The following RBMS1 variants were observed in gnomAD, a reference collection of about 807,000 sequenced individuals.
RBMS1 encodes RNA binding motif single stranded interacting protein 1.
In RBMS1, 17 loss-of-function variants were observed where a neutral mutation model predicts 62.3. The ratio of observed to expected loss-of-function variants is 0.27; its 90% CI spans 0.19 to 0.41. RBMS1 has a LOEUF of 0.41. RBMS1 is among the 10% of genes least tolerant of loss of function. The pLI is 1.00. For synonymous variants in RBMS1, 172 were observed against 170.0 expected (o/e 1.01, Z -0.09); for missense variants, 334 against 504.5 (o/e 0.66, Z 3.24).
At chr2:160,320,560 G>C (rs1255664928) in intron 2 of RBMS1, among the ~76,000 whole-genome samples, 1 of 152,144 alleles carries the variant, frequency 6.6e-6, no homozygotes, top group Non-Finnish European at 1.5e-5. Flanking sequence ...GAATAGCTTG[G>C]TGCCATCCTT....
At chr2:160,438,854 C>T (rs1294393916) in intron 1 of RBMS1, among the ~76,000 whole-genome samples, 1 of 151,968 alleles carries the variant, frequency 6.6e-6, no homozygotes, top group African/African-American at 2.4e-5. Flanking sequence ...AGGCGCCCCT[C>T]ACCTCCCGGA....
chr2:160,441,875 G>A lies in RBMS1; in HGVS notation c.75+51414C>T, dbSNP rs1683425015. Among the ~76,000 whole-genome samples the A allele has an allele frequency of 4.6e-5, 7 of 152,110 alleles. No individual in the cohort carries two copies. The South Asian group carries it at 1.2e-3, about 27-fold the overall frequency. ...ATTCTAGTGAATGTGAAATGGCCTC[G>A]AATTATGGCTATAATTTGCATTTTC... is the stretch of plus-strand genomic sequence containing the variant. On this transcript the variant is annotated intron_variant, in intron 1 of 13. Coordinates refer to ENST00000348849, the MANE Select transcript of RBMS1 (RefSeq NM_016836.4).
chr2:160,360,303 AC>A (rs1693054304), intron 2 of RBMS1, among the ~76,000 whole-genome samples: 1 of 152,116 alleles, frequency 6.6e-6, no homozygotes, highest in Non-Finnish European at 1.5e-5. Flanking sequence ...CTTCCCTCTC[AC>A]CTATGAGAGT....
chr2:160,318,145 A>C (rs1470849079), intron 3 of RBMS1, 24 bp downstream of exon 3: 25 of 1,587,916 alleles, frequency 1.6e-5, no homozygotes, highest in Non-Finnish European at 2.1e-5. Flanking sequence ...ATCATTTACC[A>C]AATAACCAGC....
intron 2 of RBMS1, among the ~76,000 whole-genome samples, chr2:160,348,148 T>C (rs967205362): frequency 2.6e-5 from 4 of 152,208 alleles, no homozygotes; most frequent in South Asian, 2.1e-4. Context: ...TAAACCATTA[T>C]ATAAATCCAC....
At chr2:160,363,766 A>C (rs1022878738) in intron 2 of RBMS1, among the ~76,000 whole-genome samples, 4 of 152,202 alleles carry the variant, frequency 2.6e-5, no homozygotes, top group Non-Finnish European at 5.9e-5. Context: ...AAATAAAACA[A>C]ATAAAATATT....
At chr2:160,384,872 T>C (rs1437050107) in intron 1 of RBMS1, among the ~76,000 whole-genome samples, 1 of 152,216 alleles carries the variant, frequency 6.6e-6, no homozygotes, top group African/African-American at 2.4e-5. Context: ...AGGTGGGACC[T>C]GGTGGGGGGT....
At chr2:160,314,052 G>C (rs887929507) in intron 3 of RBMS1, among the ~76,000 whole-genome samples, 4 of 152,160 alleles carry the variant, frequency 2.6e-5, no homozygotes, top group Admixed American at 1.3e-4. Flanking sequence ...AGGGGAAAAG[G>C]GGGGCTGGGG....
intron 2 of RBMS1, among the ~76,000 whole-genome samples, chr2:160,324,863 G>A (rs943018205): frequency 8.2e-6 from 1 of 122,294 alleles, no homozygotes; most frequent in African/African-American, 2.9e-5. Flanking sequence ...TATTCTAAGC[G>A]AGATGTGTGT....
At chr2:160,282,171 G>T in intron 9 of RBMS1, 1 of 1,191,934 alleles carries the variant, frequency 8.4e-7, no homozygotes, top group Non-Finnish European at 1.2e-6. Flanking sequence ...AAACCCTCCT[G>T]CATTTTATCC....
At chr2:160,479,362 T>C (rs1003504349) in intron 1 of RBMS1, among the ~76,000 whole-genome samples, 6 of 152,232 alleles carry the variant, frequency 3.9e-5, no homozygotes, top group Non-Finnish European at 7.3e-5. Context: ...CAGCTCTGGA[T>C]GCTGCTGTTC....
chr2:160,484,817 G>A (rs1291131395), intron 1 of RBMS1, among the ~76,000 whole-genome samples: 2 of 150,528 alleles, frequency 1.3e-5, no homozygotes, highest in Non-Finnish European at 2.9e-5. Flanking sequence ...CTTGCAGTAA[G>A]CTGAGATTGT....
intron 1 of RBMS1, among the ~76,000 whole-genome samples, chr2:160,399,497 C>G (rs1175207577): frequency 2.0e-5 from 3 of 149,648 alleles, no homozygotes; most frequent in Non-Finnish European, 3.0e-5. Context: ...TGCATGCCAC[C>G]AGTTTACTTC....
In RBMS1 at chr2:160,370,050, C is replaced by T. The variant is rs570858003; in HGVS notation, c.76-2659G>A. 8.5e-5 allele frequency among the ~76,000 whole-genome samples: 13 copies of T among 152,270 alleles called. No individual in the cohort carries two copies. The South Asian group carries it at 2.7e-3, about 32-fold the overall frequency. On this transcript the variant is annotated intron_variant, in intron 1 of 13. Transcript: ENST00000348849. ...ATGTGGGAAGCAGGTACAGCCTGTGCTTCCCTGCTTCCCCTGTTAAGTTTC... is the reference window on the plus strand; with the variant it reads ...ATGTGGGAAGCAGGTACAGCCTGTGTTTCCCTGCTTCCCCTGTTAAGTTTC...
chr2:160,318,730 C>T (rs191599932), intron 2 of RBMS1, among the ~76,000 whole-genome samples: 9 of 152,298 alleles, frequency 5.9e-5, no homozygotes, highest in African/African-American at 2.2e-4. Flanking sequence ...CACAGAAGGG[C>T]AGGTGTGTGC....
chr2:160,279,370 AC>A (rs929677657), intron 10 of RBMS1: 9 of 152,084 alleles, frequency 5.9e-5, no homozygotes, highest in South Asian at 2.1e-4. Context: ...GAAAAAAAAA[AC>A]AATTGCTTCT....
At chr2:160,372,546 G>C (rs1693781902) in intron 1 of RBMS1, among the ~76,000 whole-genome samples, 1 of 152,202 alleles carries the variant, frequency 6.6e-6, no homozygotes, top group Admixed American at 6.5e-5. Context: ...TGAAGACAAT[G>C]TCTGCTACAC....
intron 1 of RBMS1, among the ~76,000 whole-genome samples, chr2:160,394,206 A>G (rs1289081007): frequency 6.6e-6 from 1 of 152,174 alleles, no homozygotes. Context: ...CTATTATAAC[A>G]AAGGATGATC....
At chr2:160,478,988 G>A (rs1187087052) in intron 1 of RBMS1, among the ~76,000 whole-genome samples, 3 of 152,200 alleles carry the variant, frequency 2.0e-5, no homozygotes, top group Non-Finnish European at 4.4e-5. Flanking sequence ...TCCCATCAGC[G>A]TGGTGAACGA....
Sources: allele counts gnomAD v4.1 joint callset (sites outside exome capture counted in the v4.1 genomes callset), GRCh38; gene constraint gnomAD v4.1.1; transcripts MANE v1.5; gene names NCBI Gene and HGNC (gene_info 2026-07-23, HGNC 2026-07-21).